The following ANO6 variants were observed in gnomAD, a reference collection of about 807,000 sequenced individuals.
The protein encoded by ANO6 is anoctamin-6.
Under a neutral mutation model 117.5 loss-of-function variants are expected in ANO6, and 106 were observed. That is an observed-to-expected ratio of 0.90 (90% CI 0.77 to 1.06). The LOEUF (loss-of-function observed/expected upper bound fraction) is 1.06. Among genes scored for constraint, ANO6 ranks in the 50% least tolerant of loss-of-function variants. The pLI, the probability that ANO6 is intolerant of heterozygous loss-of-function variation, is 0.00. For synonymous variants in ANO6, 367 were observed against 385.1 expected (o/e 0.95, Z 0.55); for missense variants, 955 against 1,121.1 (o/e 0.85, Z 2.12).
chr12:45,414,892 T>C (rs1943175936), intron 16 of ANO6, among the ~76,000 whole-genome samples: 1 of 152,164 alleles, frequency 6.6e-6, no homozygotes, highest in Non-Finnish European at 1.5e-5. Flanking sequence ...TCCTCCTGGG[T>C]AGCTGAGACT....
intron 1 of ANO6, among the ~76,000 whole-genome samples, chr12:45,238,942 T>C (rs1018965325): frequency 2.5e-4 from 38 of 152,188 alleles, no homozygotes; most frequent in African/African-American, 7.7e-4. Flanking sequence ...ATTTGGTTTG[T>C]CAGTATTTTA....
chr12:45,396,941 C>CAAAGCAATAGCAACACCA (rs1343696294), intron 12 of ANO6, among the ~76,000 whole-genome samples: 1 of 151,224 alleles, frequency 6.6e-6, no homozygotes, highest in Non-Finnish European at 1.5e-5. Context: ...ACTTCAACAC[C>CAAAGCAATAGCAACACCA]AAAGCAATAG....
At chr12:45,342,107 G>T (rs1940996857) in intron 3 of ANO6, among the ~76,000 whole-genome samples, 1 of 152,116 alleles carries the variant, frequency 6.6e-6, no homozygotes, top group Non-Finnish European at 1.5e-5. Context: ...GCAGAGTCAG[G>T]ATTTCCATTT....
Position 45,361,713 on chromosome 12 carries a change from TGC to T in ANO6, c.998+4290_998+4291del, listed in dbSNP as rs1941559792. On this transcript the variant is annotated intron_variant, in intron 8 of 19. Transcript: ENST00000320560. ...TTAATCATGGAATGATGTTGGATTT[TGC>T]CAGATGCTCTTTCTGTGTCTATTGA... is the stretch of plus-strand genomic sequence containing the variant. Among the ~76,000 whole-genome samples, 4 of 152,148 alleles carry T rather than the reference TGC, an allele frequency of 2.6e-5. No individual in the cohort carries two copies. In the South Asian group the frequency reaches 8.3e-4, roughly 31 times the overall value.
chr12:45,345,869 A>G (rs1472081757), intron 3 of ANO6, among the ~76,000 whole-genome samples: 2 of 151,724 alleles, frequency 1.3e-5, no homozygotes, highest in East Asian at 2.0e-4. Context: ...ATTGGCTCAC[A>G]GTTCTGTAGG....
At chr12:45,413,689 A>AACTT (rs1199393235) in intron 16 of ANO6, among the ~76,000 whole-genome samples, 2 of 152,216 alleles carry the variant, frequency 1.3e-5, no homozygotes, top group Non-Finnish European at 2.9e-5. Context: ...GTGTCAACAC[A>AACTT]GAGAAGGCTT....
rs534010461 is a variant in ANO6, at chr12:45,308,738, C to G, written c.150+6645C>G. On this transcript the variant is annotated intron_variant, in intron 2 of 19. Coordinates refer to ENST00000320560, the MANE Select transcript of ANO6 (RefSeq NM_001025356.3). Reference sequence around the variant, plus strand: ...AGTTTTAGGATTTCTGGGCTGTGGCCAGGGCCTGTGTGGGGCTGATGATCC... The same window carrying G: ...AGTTTTAGGATTTCTGGGCTGTGGCGAGGGCCTGTGTGGGGCTGATGATCC... Among the ~76,000 whole-genome samples, 5 of 152,216 alleles carry G rather than the reference C, an allele frequency of 3.3e-5. No individual in the cohort carries two copies. The East Asian group carries it at 9.7e-4, about 29-fold the overall frequency.
chr12:45,303,743 T>G (rs921939133), intron 2 of ANO6, among the ~76,000 whole-genome samples: 1 of 152,200 alleles, frequency 6.6e-6, no homozygotes, highest in African/African-American at 2.4e-5. Flanking sequence ...TAAGCTAGAA[T>G]GCCCAGGGGT....
chr12:45,398,580 C>T (rs1475367954), intron 12 of ANO6, among the ~76,000 whole-genome samples: 1 of 152,106 alleles, frequency 6.6e-6, no homozygotes, highest in Non-Finnish European at 1.5e-5. Context: ...TTTTCACATA[C>T]TTATCACAAC....
intron 2 of ANO6, among the ~76,000 whole-genome samples, chr12:45,305,356 C>T (rs1228988455): frequency 6.6e-6 from 1 of 152,168 alleles, no homozygotes; most frequent in Admixed American, 6.5e-5. Context: ...TGTTTTATAA[C>T]TCGTTTCATT....
chr12:45,409,317 A>C, intron 15 of ANO6, 40 bp from the exon 16 acceptor site: 1 of 1,611,644 alleles, frequency 6.2e-7, no homozygotes, highest in Non-Finnish European at 8.5e-7. Flanking sequence ...CCTTGGCCTG[A>C]TAATATTCGT....
In ANO6 at chr12:45,292,211, C is replaced by G. The variant is rs560681237; in HGVS notation, c.71-9803C>G. On this transcript the variant is annotated intron_variant, in intron 1 of 19. Coordinates refer to ENST00000320560, the MANE Select transcript of ANO6 (RefSeq NM_001025356.3). The stretch of plus-strand genomic sequence containing the variant: ...TATACTAAGTGAAATAAGCCAGAAA[C>G]AAAAGGACAAATATTGTATAACTCT... Among the ~76,000 whole-genome samples the G allele has an allele frequency of 2.0e-5, 3 of 151,986 alleles. No homozygotes were observed. The East Asian group carries it at 5.8e-4, about 29-fold the overall frequency.
At chr12:45,318,758 A>G (rs1001827722) in intron 2 of ANO6, among the ~76,000 whole-genome samples, 8 of 152,194 alleles carry the variant, frequency 5.3e-5, no homozygotes, top group Non-Finnish European at 8.8e-5. Flanking sequence ...ACCCATGAGC[A>G]TGGAATGTTC....
intron 8 of ANO6, among the ~76,000 whole-genome samples, chr12:45,364,756 T>C (rs1340605368): frequency 6.6e-6 from 1 of 152,240 alleles, no homozygotes; most frequent in Non-Finnish European, 1.5e-5. Context: ...CTTCATCTAA[T>C]AAATGCAATA....
intron 10 of ANO6, among the ~76,000 whole-genome samples, chr12:45,381,458 T>C (rs1384938324): frequency 1.3e-5 from 2 of 152,190 alleles, no homozygotes; most frequent in African/African-American, 4.8e-5. Flanking sequence ...TCTGTGATCA[T>C]GCACGGTCAC....
chr12:45,318,870 T>C (rs762644234), intron 2 of ANO6, among the ~76,000 whole-genome samples: 3 of 152,184 alleles, frequency 2.0e-5, no homozygotes, highest in Non-Finnish European at 4.4e-5. Flanking sequence ...CTAGGTATTC[T>C]CTTTGAAGCA....
rs1184639811 is a variant in ANO6 at position 45,421,270 on chromosome 12, G to T, written c.2417G>T (p.Cys806Phe). The T allele has an allele frequency of 6.2e-7, 1 of 1,613,954 alleles. No individual in the cohort carries two copies. Among genetic ancestry groups the T allele is most frequent in the Non-Finnish European group, 8.5e-7 (1 of 1,179,898 alleles). The change falls in exon 18 of 20, where the codon TGC (cysteine) becomes TTC (phenylalanine). Residue 806 changes from cysteine to phenylalanine, a missense_variant. Transcript: ENST00000320560. The stretch of plus-strand genomic sequence containing the variant: ...TCTGACCTGGGTAACCATACCACAT[G>T]CAGGCAAGTTCTGCTTTACTTGTTT... ...PYSDLGNHTT[C>F]RYRDFRYPPG...
At chr12:45,429,078 T>C in intron 19 of ANO6, 27 bp from the exon 20 acceptor site, 30 of 1,610,662 alleles carry the variant, frequency 1.9e-5, no homozygotes, top group Non-Finnish European at 2.5e-5. Context: ...TCTTTGTGAG[T>C]GACATTTTTC....
intron 8 of ANO6, among the ~76,000 whole-genome samples, chr12:45,361,724 C>T (rs1164476601): frequency 1.3e-5 from 2 of 152,004 alleles, no homozygotes; most frequent in Non-Finnish European, 1.5e-5. Context: ...GCCAGATGCT[C>T]TTTCTGTGTC....
Sources: allele counts gnomAD v4.1 joint callset (sites outside exome capture counted in the v4.1 genomes callset), GRCh38; gene constraint gnomAD v4.1.1; transcripts MANE v1.5; gene names NCBI Gene and HGNC (gene_info 2026-07-23, HGNC 2026-07-21).